CNTNAP2: variants seen among roughly 807,000 people sequenced by gnomAD.
CNTNAP2 encodes the protein contactin associated protein 2.
A neutral mutation model predicts 155.2 loss-of-function variants in CNTNAP2; 98 were observed. The observed-to-expected ratio is 0.63, with a 90% CI of 0.54 to 0.75. CNTNAP2 has a LOEUF of 0.75. CNTNAP2 is among the 30% of genes least tolerant of loss of function. The pLI is 0.00. For synonymous variants in CNTNAP2, 651 were observed against 631.2 expected (o/e 1.03, Z -0.47); for missense variants, 1,727 against 1,688.1 (o/e 1.02, Z -0.40).
intron 1 of CNTNAP2, among the ~76,000 whole-genome samples, chr7:146,566,261 G>C (rs1798355301): frequency 6.6e-6 from 1 of 152,172 alleles, no homozygotes; most frequent in Non-Finnish European, 1.5e-5. Context: ...TTCTCCTAAG[G>C]GGAGATGACC....
At chr7:147,973,014 G>A (rs1476585914) in intron 14 of CNTNAP2, among the ~76,000 whole-genome samples, 1 of 151,858 alleles carries the variant, frequency 6.6e-6, no homozygotes, top group African/African-American at 2.4e-5. Context: ...TTAAAACAGT[G>A]GGCGTGGTGG....
intron 1 of CNTNAP2, among the ~76,000 whole-genome samples, chr7:146,688,211 C>T (rs568273455): frequency 6.6e-6 from 1 of 152,096 alleles, no homozygotes; most frequent in Non-Finnish European, 1.5e-5. Context: ...TTGTTAATTT[C>T]TGTACTATTT....
chr7:146,487,806 GA>G (rs1797079059), intron 1 of CNTNAP2, among the ~76,000 whole-genome samples: 2 of 152,146 alleles, frequency 1.3e-5, no homozygotes, highest in Admixed American at 6.5e-5. Flanking sequence ...CGGAAATAAG[GA>G]AAAGCAGGCA....
chr7:148,341,313 T>C (rs1488343335), intron 21 of CNTNAP2, among the ~76,000 whole-genome samples: 1 of 151,942 alleles, frequency 6.6e-6, no homozygotes, highest in Non-Finnish European at 1.5e-5. Flanking sequence ...AGCTGAGCTA[T>C]ACTACCTAGT....
At chr7:146,835,565 C>T (rs1585114482) in intron 2 of CNTNAP2, among the ~76,000 whole-genome samples, 3 of 151,860 alleles carry the variant, frequency 2.0e-5, no homozygotes, top group South Asian at 4.2e-4. Flanking sequence ...TGATATATGA[C>T]AATAAGGAAT....
intron 8 of CNTNAP2, among the ~76,000 whole-genome samples, chr7:147,222,926 A>T (rs1311299807): frequency 6.6e-6 from 1 of 151,394 alleles, no homozygotes; most frequent in Non-Finnish European, 1.5e-5. Context: ...GAACCCCAAC[A>T]GGTTGAATTC....
intron 3 of CNTNAP2, among the ~76,000 whole-genome samples, chr7:147,016,649 T>A (rs963090251): frequency 1.3e-5 from 2 of 152,116 alleles, no homozygotes; most frequent in African/African-American, 4.8e-5. Context: ...TTTTCAAATT[T>A]TTGAATTATA....
intron 4 of CNTNAP2, among the ~76,000 whole-genome samples, chr7:147,071,179 G>T (rs1300695546): frequency 2.0e-5 from 3 of 152,050 alleles, no homozygotes; most frequent in Non-Finnish European, 4.4e-5. Flanking sequence ...TCGGCAAATG[G>T]CCCATCAAAG....
intron 21 of CNTNAP2, among the ~76,000 whole-genome samples, chr7:148,269,943 C>T (rs1470242780): frequency 6.6e-6 from 1 of 152,178 alleles, no homozygotes; most frequent in Admixed American, 6.5e-5. Flanking sequence ...AGATACTACA[C>T]TATGATATTC....
At chr7:147,306,363 T>G (rs1370771000) in intron 9 of CNTNAP2, among the ~76,000 whole-genome samples, 2 of 152,116 alleles carry the variant, frequency 1.3e-5, no homozygotes, top group African/African-American at 4.8e-5. Flanking sequence ...AAACAAAAAG[T>G]ATCGTGCATA....
chr7:146,163,523 A>C (rs1204890047), intron 1 of CNTNAP2, among the ~76,000 whole-genome samples: 2 of 144,054 alleles, frequency 1.4e-5, no homozygotes, highest in African/African-American at 5.3e-5. Context: ...ATATCTATAT[A>C]TATCTATATA....
At chr7:147,955,219 T>A (rs932809522) in intron 14 of CNTNAP2, among the ~76,000 whole-genome samples, 5 of 152,308 alleles carry the variant, frequency 3.3e-5, no homozygotes, top group Non-Finnish European at 4.4e-5. Flanking sequence ...AAATTGAAGA[T>A]CCAAAAAGCT....
intron 3 of CNTNAP2, chr7:146,915,725 GA>G (rs1182885333): frequency 3.9e-5 from 6 of 152,094 alleles, no homozygotes; most frequent in Non-Finnish European, 8.8e-5. Flanking sequence ...CTTTATGTAT[GA>G]GTCTTTAGGG....
intron 21 of CNTNAP2, among the ~76,000 whole-genome samples, chr7:148,356,211 A>G (rs1798510936): frequency 6.6e-6 from 1 of 152,076 alleles, no homozygotes; most frequent in Non-Finnish European, 1.5e-5. Flanking sequence ...TCCATAAAAC[A>G]TGGTTTTAAA....
chr7:146,642,211 G>A (rs1163378011), intron 1 of CNTNAP2, among the ~76,000 whole-genome samples: 1 of 151,118 alleles, frequency 6.6e-6, no homozygotes, highest in Non-Finnish European at 1.5e-5. Context: ...ACAATGTGCA[G>A]GTTAGTTACA....
At chr7:148,015,609 A>C (rs1802163755) in intron 15 of CNTNAP2, among the ~76,000 whole-genome samples, 1 of 152,208 alleles carries the variant, frequency 6.6e-6, no homozygotes, top group East Asian at 1.9e-4. Flanking sequence ...CCAGTGTGCT[A>C]ACTGACCTGG....
intron 3 of CNTNAP2, among the ~76,000 whole-genome samples, chr7:147,013,086 G>C (rs1179103273): frequency 1.3e-5 from 2 of 152,024 alleles, no homozygotes; most frequent in Non-Finnish European, 2.9e-5. Flanking sequence ...AATTCAATGT[G>C]TTTTCTTGAA....
chr7:147,288,698 T>C (rs1055579449), intron 8 of CNTNAP2, among the ~76,000 whole-genome samples: 8 of 152,232 alleles, frequency 5.3e-5, no homozygotes, highest in Admixed American at 2.0e-4. Context: ...CTTCATGATA[T>C]GAATATTTTC....
At chr7:146,583,761 C>A (rs1233176739) in intron 1 of CNTNAP2, among the ~76,000 whole-genome samples, 2 of 152,044 alleles carry the variant, frequency 1.3e-5, no homozygotes, top group Non-Finnish European at 2.9e-5. Flanking sequence ...ATGACCTTAG[C>A]TCTATGCTTT....
Sources: allele counts gnomAD v4.1 joint callset (sites outside exome capture counted in the v4.1 genomes callset), GRCh38; gene constraint gnomAD v4.1.1; transcripts MANE v1.5; gene names NCBI Gene and HGNC (gene_info 2026-07-23, HGNC 2026-07-21).